Variants in VPS13B observed in about 807,000 individuals in gnomAD.
VPS13B encodes the protein intermembrane lipid transfer protein VPS13B.
A neutral mutation model predicts 426.4 loss-of-function variants in VPS13B; 285 were observed. That is an observed-to-expected ratio of 0.67 (90% CI 0.61 to 0.74). The LOEUF (loss-of-function observed/expected upper bound fraction) is 0.74. Among genes scored for constraint, VPS13B ranks in the 30% least tolerant of loss-of-function variants. The pLI is 0.00. For synonymous variants in VPS13B, 1,676 were observed against 1,676.4 expected, an observed-to-expected ratio of 1.00 and a Z score of 0.01; for missense variants, 4,537 against 4,782.6, an observed-to-expected ratio of 0.95 and a Z score of 1.51.
chr8:99,236,466 T>A (rs1199519845), intron 17 of VPS13B, among the ~76,000 whole-genome samples: 1 of 152,178 alleles, frequency 6.6e-6, no homozygotes, highest in Admixed American at 6.5e-5. Context: ...GCCAGGCTGG[T>A]CTTGAACTCC....
intron 17 of VPS13B, among the ~76,000 whole-genome samples, chr8:99,204,288 G>A (rs191634459): frequency 6.6e-6 from 1 of 152,256 alleles, no homozygotes; most frequent in Admixed American, 6.5e-5. Flanking sequence ...AATGGTTTTG[G>A]GAAAACTGGC....
At chr8:99,315,005 T>A (rs1222215211) in intron 19 of VPS13B, among the ~76,000 whole-genome samples, 6 of 152,210 alleles carry the variant, frequency 3.9e-5, no homozygotes, top group Non-Finnish European at 8.8e-5. Flanking sequence ...TATGTGTCTT[T>A]ACAGGTGAGA....
At chr8:99,336,551 AG>A (rs1335970148) in intron 19 of VPS13B, among the ~76,000 whole-genome samples, 2 of 152,202 alleles carry the variant, frequency 1.3e-5, no homozygotes, top group Non-Finnish European at 2.9e-5. Flanking sequence ...GCACAGCAAA[AG>A]AAACTACCAT....
intron 35 of VPS13B, among the ~76,000 whole-genome samples, chr8:99,663,779 G>A (rs1018740031): frequency 7.2e-5 from 11 of 152,026 alleles, no homozygotes; most frequent in African/African-American, 9.7e-5. Context: ...TTTCACATTC[G>A]TTTTGTTTTT....
In VPS13B at chr8:99,275,062, T is replaced by C. The variant is rs1379409869; in HGVS notation, c.2651-19T>C. On this transcript the variant is annotated intron_variant, in intron 18 of 61. Coordinates refer to ENST00000357162, the MANE Select transcript of VPS13B (RefSeq NM_152564.5). Reference sequence around the variant, plus strand: ...TCATGTTTTATTTTTATTATTGTTTTATAAATATTTCTTTTCAGTTGATAG... The same window carrying C: ...TCATGTTTTATTTTTATTATTGTTTCATAAATATTTCTTTTCAGTTGATAG... 1 of 1,575,254 alleles carries C rather than the reference T, an allele frequency of 6.3e-7. No individual in the cohort carries two copies. Among genetic ancestry groups the C allele is most frequent in the Non-Finnish European group, 8.6e-7 (1 of 1,162,466 alleles).
intron 33 of VPS13B, among the ~76,000 whole-genome samples, chr8:99,593,722 C>G (rs1446686685): frequency 6.6e-6 from 1 of 152,004 alleles, no homozygotes; most frequent in African/African-American, 2.4e-5. Context: ...GAATAGTGTG[C>G]AGCCATAAAA....
chr8:99,740,343 C>T (rs1401205497), intron 39 of VPS13B, among the ~76,000 whole-genome samples: 1 of 152,204 alleles, frequency 6.6e-6, no homozygotes, highest in Non-Finnish European at 1.5e-5. Context: ...AAATCTACGT[C>T]TGACTGGTGT....
intron 25 of VPS13B, among the ~76,000 whole-genome samples, chr8:99,486,416 G>A (rs1020714749): frequency 1.3e-5 from 2 of 151,922 alleles, no homozygotes; most frequent in Non-Finnish European, 2.9e-5. Flanking sequence ...ACTAGAGATG[G>A]GGTTTCACCA....
chr8:99,646,812 A>G (rs1829597428), intron 34 of VPS13B, among the ~76,000 whole-genome samples: 1 of 152,024 alleles, frequency 6.6e-6, no homozygotes, highest in South Asian at 2.1e-4. Context: ...GCGCCTCCCC[A>G]CTACCTTGCT....
At position 99,128,861 on chromosome 8, in the gene VPS13B, T is replaced by A. The variant is rs7461275; in HGVS notation, c.1207-5771T>A. The stretch of plus-strand genomic sequence containing the variant: ...AAGTTATAAAATACTTTAAGATAGC[T>A]GGACTCAGTGGCTCACGCCTGTAAT... On this transcript the variant is annotated intron_variant, in intron 8 of 61. Coordinates refer to ENST00000357162, the MANE Select transcript of VPS13B (RefSeq NM_152564.5). Among the ~76,000 whole-genome samples, 20 of 152,134 alleles carry A rather than the reference T, an allele frequency of 1.3e-4. No individual in the cohort carries two copies. In the East Asian group the frequency reaches 3.7e-3, roughly 28 times the overall value.
intron 19 of VPS13B, among the ~76,000 whole-genome samples, chr8:99,321,360 C>T (rs1037822203): frequency 6.6e-6 from 1 of 151,968 alleles, no homozygotes; most frequent in Admixed American, 6.6e-5. Flanking sequence ...CTGGTGGCAC[C>T]ACCACGCCCA....
At chr8:99,800,152 TA>T (rs966081862) in intron 43 of VPS13B, among the ~76,000 whole-genome samples, 1 of 152,122 alleles carries the variant, frequency 6.6e-6, no homozygotes, top group African/African-American at 2.4e-5. Flanking sequence ...TACTTATTTT[TA>T]AAAAAAGAAA....
intron 12 of VPS13B, among the ~76,000 whole-genome samples, chr8:99,139,434 CTTTT>C (rs368548690): frequency 2.9e-5 from 4 of 135,672 alleles, no homozygotes; most frequent in Admixed American, 7.8e-5. Flanking sequence ...TTGATATTTC[CTTTT>C]TTTTTTTTTT....
At chr8:99,430,428 A>G (rs1371760824) in intron 21 of VPS13B, among the ~76,000 whole-genome samples, 2 of 152,186 alleles carry the variant, frequency 1.3e-5, no homozygotes, top group African/African-American at 4.8e-5. Context: ...TACTACATAT[A>G]AATTATGTAT....
intron 19 of VPS13B, among the ~76,000 whole-genome samples, chr8:99,315,721 C>T (rs762886592): frequency 1.3e-5 from 2 of 151,800 alleles, no homozygotes; most frequent in African/African-American, 4.8e-5. Flanking sequence ...GCTGCAAGCT[C>T]CGCCTCCCGG....
At chr8:99,762,853 T>G (rs923813836) in intron 39 of VPS13B, among the ~76,000 whole-genome samples, 113 of 151,978 alleles carry the variant, frequency 7.4e-4, no homozygotes, top group African/African-American at 2.6e-3. Flanking sequence ...TTAATTTAAT[T>G]TAGGCCTGGC....
intron 39 of VPS13B, among the ~76,000 whole-genome samples, chr8:99,754,093 T>G (rs188154784): frequency 1.2e-3 from 175 of 151,676 alleles, no homozygotes; most frequent in Admixed American, 3.0e-3. Context: ...GGGTTTTTTT[T>G]TTTTTTTTTT....
At chr8:99,369,470 G>T (rs2046936) in intron 19 of VPS13B, among the ~76,000 whole-genome samples, 110,227 of 152,058 alleles carry the variant, frequency 0.72, 40,629 homozygotes, top group Middle Eastern at 0.83. Flanking sequence ...TTGTGAGGCA[G>T]TGGGCACGAG....
intron 39 of VPS13B, among the ~76,000 whole-genome samples, chr8:99,723,527 G>A (rs1408916338): frequency 2.0e-5 from 3 of 152,022 alleles, no homozygotes; most frequent in Non-Finnish European, 4.4e-5. Flanking sequence ...CTAGCATTTT[G>A]GATAAGGGAT....
Sources: gnomAD v4.1 joint callset for allele counts (sites outside exome capture counted in the v4.1 genomes callset) on GRCh38, gnomAD v4.1.1 for gene constraint, MANE v1.5 for transcripts, NCBI Gene and HGNC (gene_info 2026-07-23, HGNC 2026-07-21) for gene names.